RNF216: variants seen among roughly 807,000 people sequenced by gnomAD.
The protein encoded by RNF216 is ring finger protein 216, also known as E3 ubiquitin-protein ligase RNF216.
A neutral mutation model predicts 110.8 loss-of-function variants in RNF216; 72 were observed. The observed-to-expected ratio is 0.65, with a 90% CI of 0.54 to 0.79. The LOEUF (loss-of-function observed/expected upper bound fraction) is 0.79. Ranked by LOEUF, RNF216 falls within the 30% of genes least tolerant of loss-of-function variation. The pLI, the probability that RNF216 is intolerant of heterozygous loss-of-function variation, is 0.00. For synonymous variants in RNF216, 495 were observed against 407.5 expected, an observed-to-expected ratio of 1.21 and a Z score of -2.59; for missense variants, 1,342 against 1,141.2, an observed-to-expected ratio of 1.18 and a Z score of -2.54.
chr7:5,643,945 A>T (rs1386926917), intron 14 of RNF216, among the ~76,000 whole-genome samples: 3 of 152,202 alleles, frequency 2.0e-5, no homozygotes, highest in Non-Finnish European at 4.4e-5. Flanking sequence ...AATGGAAATC[A>T]CACGTGTGTT....
At chr7:5,725,533 G>A in intron 7 of RNF216, 95 bp from the exon 8 acceptor site, 2 of 753,788 alleles carry the variant, frequency 2.7e-6, no homozygotes, top group South Asian at 1.6e-5. Flanking sequence ...CACAGTTTCA[G>A]CTGTCTACCC....
At chr7:5,778,170 T>C (rs1796886624) in intron 1 of RNF216, among the ~76,000 whole-genome samples, 1 of 152,314 alleles carries the variant, frequency 6.6e-6, no homozygotes, top group East Asian at 1.9e-4. Context: ...TCACCTGACC[T>C]TGCTGACATA....
At position 5,679,436 on chromosome 7, in the gene RNF216, G is replaced by A. The variant is rs73339926; in HGVS notation, c.2062-26926C>T. Among the ~76,000 whole-genome samples the A allele has an allele frequency of 5.9e-3, 900 of 152,364 alleles. 10 individuals are homozygous for A. Among genetic ancestry groups the A allele is most frequent in the African/African-American group, 0.021 (853 of 41,578 alleles). Reference sequence around the variant, plus strand: ...GGTTGTGAGGATGCAGGCGCTGAGCGCACTGGTGCACACACACCGTAACAA... The same window carrying A: ...GGTTGTGAGGATGCAGGCGCTGAGCACACTGGTGCACACACACCGTAACAA... On this transcript the variant is annotated intron_variant, in intron 13 of 16. Coordinates refer to ENST00000389902, the MANE Select transcript of RNF216 (RefSeq NM_207111.4).
chr7:5,744,252 T>A (rs1483662302), intron 3 of RNF216, among the ~76,000 whole-genome samples: 1 of 152,162 alleles, frequency 6.6e-6, no homozygotes, highest in Non-Finnish European at 1.5e-5. Context: ...TAATGCTACA[T>A]ATGGATATAT....
intron 13 of RNF216, among the ~76,000 whole-genome samples, chr7:5,709,338 CA>C (rs1792510503): frequency 1.3e-5 from 2 of 152,206 alleles, no homozygotes; most frequent in Non-Finnish European, 2.9e-5. Flanking sequence ...GGTGCTGTGC[CA>C]GGGGGAGGAA....
At chr7:5,750,385 G>A (rs549890518) in intron 3 of RNF216, among the ~76,000 whole-genome samples, 252 of 152,298 alleles carry the variant, frequency 1.7e-3, no homozygotes, top group African/African-American at 5.6e-3. Flanking sequence ...ATTTAAATAT[G>A]TGCTTTCAAA....
chr7:5,687,410 A>AAAAAG (rs1791061533), intron 13 of RNF216, among the ~76,000 whole-genome samples: 1 of 143,746 alleles, frequency 7.0e-6, no homozygotes, highest in African/African-American at 2.6e-5. Flanking sequence ...AAAAAAAAAA[A>AAAAAG]AAAAGAAAAA....
chr7:5,763,907 G>T (rs749063717), intron 1 of RNF216, among the ~76,000 whole-genome samples: 1 of 152,118 alleles, frequency 6.6e-6, no homozygotes, highest in Admixed American at 6.6e-5. Flanking sequence ...TAAAACAGAC[G>T]GCAGGGCACG....
intron 14 of RNF216, among the ~76,000 whole-genome samples, chr7:5,647,834 T>C (rs557716671): frequency 2.0e-5 from 3 of 152,200 alleles, no homozygotes; most frequent in East Asian, 1.9e-4. Flanking sequence ...CAAACCTATA[T>C]TGGAGCCCTA....
At chr7:5,729,111 G>T (rs1356009734) in intron 7 of RNF216, among the ~76,000 whole-genome samples, 1 of 152,192 alleles carries the variant, frequency 6.6e-6, no homozygotes, top group Non-Finnish European at 1.5e-5. Context: ...GGATGGTCGT[G>T]TGACCTGTCC....
intron 13 of RNF216, among the ~76,000 whole-genome samples, chr7:5,704,476 C>A (rs3801016): frequency 0.82 from 124,397 of 152,188 alleles, 52,769 homozygotes; most frequent in Middle Eastern, 0.92. Flanking sequence ...AAGGTAAAAG[C>A]GTATGCGCTA....
At chr7:5,713,627 A>T (rs1488281483) in intron 11 of RNF216, among the ~76,000 whole-genome samples, 1 of 152,234 alleles carries the variant, frequency 6.6e-6, no homozygotes, top group Non-Finnish European at 1.5e-5. Context: ...AGTCAAACTC[A>T]CTGGTCTATA....
intron 4 of RNF216, 170 bp from the exon 5 acceptor site, chr7:5,739,522 C>T: frequency 1.4e-6 from 1 of 713,900 alleles, no homozygotes; most frequent in Non-Finnish European, 2.5e-6. Flanking sequence ...ATTCATCTGT[C>T]TACATAGAAG....
intron 7 of RNF216, among the ~76,000 whole-genome samples, chr7:5,728,654 G>A (rs1237953609): frequency 2.6e-5 from 4 of 152,250 alleles, no homozygotes; most frequent in Admixed American, 6.5e-5. Context: ...ACAGTCCTTG[G>A]CTTGGTTCTT....
intron 9 of RNF216, among the ~76,000 whole-genome samples, chr7:5,718,345 C>T (rs191594406): frequency 6.6e-6 from 1 of 152,186 alleles, no homozygotes; most frequent in South Asian, 2.1e-4. Context: ...CCTGCCACTG[C>T]ACTCCAGCCT....
intron 11 of RNF216, among the ~76,000 whole-genome samples, chr7:5,714,653 G>A (rs1177556065): frequency 6.6e-6 from 1 of 152,178 alleles, no homozygotes; most frequent in Non-Finnish European, 1.5e-5. Flanking sequence ...CCCATACTGT[G>A]TTTGTTATGC....
At chr7:5,665,039 C>T (rs906109486) in intron 13 of RNF216, among the ~76,000 whole-genome samples, 1 of 152,188 alleles carries the variant, frequency 6.6e-6, no homozygotes, top group African/African-American at 2.4e-5. Context: ...CTCAGGTGAT[C>T]TGCCCGCCTC....
intron 13 of RNF216, among the ~76,000 whole-genome samples, chr7:5,707,091 T>C (rs574284441): frequency 5.8e-4 from 88 of 152,352 alleles, no homozygotes; most frequent in African/African-American, 2.0e-3. Context: ...ATCATAAATG[T>C]GTGGATTTAT....
chr7:5,665,596 C>G (rs1006497019), intron 13 of RNF216, among the ~76,000 whole-genome samples: 15 of 151,970 alleles, frequency 9.9e-5, no homozygotes, highest in African/African-American at 3.6e-4. Context: ...ACCGAGACAC[C>G]AGCTTGACTG....
Sources: gnomAD v4.1 joint callset for allele counts (sites outside exome capture counted in the v4.1 genomes callset) on GRCh38, gnomAD v4.1.1 for gene constraint, MANE v1.5 for transcripts, NCBI Gene and HGNC (gene_info 2026-07-23, HGNC 2026-07-21) for gene names.